TDRD10: variants seen among roughly 807,000 people sequenced by gnomAD.
The protein encoded by TDRD10 is tudor domain-containing protein 10.
In TDRD10, 40 loss-of-function variants were observed where a neutral mutation model predicts 48.0. The ratio of observed to expected loss-of-function variants is 0.83; its 90% CI spans 0.65 to 1.09. The LOEUF (loss-of-function observed/expected upper bound fraction) is 1.09. Among genes scored for constraint, TDRD10 ranks in the 50% least tolerant of loss-of-function variants. The pLI is 0.00. For missense variants in TDRD10, 378 were observed against 434.7 expected (o/e 0.87, Z 1.16); for synonymous variants, 162 against 170.4 (o/e 0.95, Z 0.38).
chr1:154,544,545 A>G (rs1417317623), intron 10 of TDRD10, 28 bp downstream of exon 10: 17 of 1,604,512 alleles, frequency 1.1e-5, no homozygotes, highest in African/African-American at 4.0e-5. Context: ...GGTAGAGTCT[A>G]TGGGAGAGGC....
chr1:154,506,869 T>C lies in TDRD10; in HGVS notation c.-27-8T>C, dbSNP rs2149310149. 2 of 1,613,658 alleles carry C rather than the reference T, an allele frequency of 1.2e-6. No individual in the cohort carries two copies. Among genetic ancestry groups the C allele is most frequent in the Non-Finnish European group, 1.7e-6 (2 of 1,179,582 alleles). ...CATTCCTCTAACTGTGGCCGGTTGG[T>C]TTTGTAGGAGATCCTGTTGGAAAGC... On this transcript the variant is annotated splice_region_variant and splice_polypyrimidine_tract_variant and intron_variant, in intron 1 of 12. Transcript: ENST00000368482.
intron 6 of TDRD10, among the ~76,000 whole-genome samples, chr1:154,536,459 C>T (rs1209413793): frequency 6.6e-6 from 1 of 152,168 alleles, no homozygotes; most frequent in Non-Finnish European, 1.5e-5. Context: ...ACACTGGAGG[C>T]TTTGAGCAGG....
chr1:154,511,058 A>T (rs1186241062), intron 4 of TDRD10, among the ~76,000 whole-genome samples: 1 of 151,738 alleles, frequency 6.6e-6, no homozygotes, highest in African/African-American at 2.4e-5. Flanking sequence ...AAAAAAAAAA[A>T]TTTAAAATAT....
chr1:154,532,036 T>A (rs976603153), intron 6 of TDRD10, among the ~76,000 whole-genome samples: 1 of 152,216 alleles, frequency 6.6e-6, no homozygotes, highest in Non-Finnish European at 1.5e-5. Context: ...ACCCAGTGGA[T>A]CTCGCACCGG....
chr1:154,525,321 G>A (rs1694253021), intron 6 of TDRD10, among the ~76,000 whole-genome samples: 1 of 152,092 alleles, frequency 6.6e-6, no homozygotes, highest in Non-Finnish European at 1.5e-5. Context: ...TTAGAAATAA[G>A]TACACAAAAG....
At chr1:154,509,564 C>A (rs1302891328) in intron 4 of TDRD10, among the ~76,000 whole-genome samples, 1 of 152,078 alleles carries the variant, frequency 6.6e-6, no homozygotes, top group Non-Finnish European at 1.5e-5. Context: ...CTCCCAAGTC[C>A]CATGTTCTTT....
intron 4 of TDRD10, 87 bp downstream of exon 4, chr1:154,508,568 T>C: frequency 2.2e-6 from 2 of 903,222 alleles, no homozygotes; most frequent in Non-Finnish European, 3.7e-6. Context: ...TTCCCCAGTT[T>C]TTAAAGACGT....
chr1:154,517,711 C>T (rs150321253), intron 4 of TDRD10, among the ~76,000 whole-genome samples: 1,574 of 152,270 alleles, frequency 0.01, 24 homozygotes, highest in African/African-American at 0.036. Flanking sequence ...CATGAGCCAC[C>T]GCGCCCGGCT....
At chr1:154,536,496 T>A (rs1694925777) in intron 6 of TDRD10, among the ~76,000 whole-genome samples, 1 of 152,200 alleles carries the variant, frequency 6.6e-6, no homozygotes, top group Non-Finnish European at 1.5e-5. Context: ...TAGAACCCAT[T>A]CTTATATTTT....
At position 154,513,617 on chromosome 1, in the gene TDRD10, C is replaced by T. The variant is rs983379126; in HGVS notation, c.141+5136C>T. Among the ~76,000 whole-genome samples the T allele has an allele frequency of 6.6e-5, 10 of 152,066 alleles. No individual in the cohort carries two copies. In the South Asian group the frequency reaches 2.1e-3, roughly 32 times the overall value. ...TTAGCCTCACTAAAAATGAGATAAC[C>T]AGATATGAGCCCCCTAAAAAGTGAT... is the stretch of plus-strand genomic sequence containing the variant. On this transcript the variant is annotated intron_variant, in intron 4 of 12. Transcript: ENST00000368482.
chr1:154,521,437 C>T lies in TDRD10; in HGVS notation c.327C>T (p.Pro109=). ...KLFVNTSKRP[P]KRTPDMIQQP... ...TCGTGAATACAAGCAAAAGGCCCCC[C>T]AAGAGGACCCCTGATATGATCCAGC... The change falls in exon 6 of 13, where the codon CCC becomes CCT. Residue 109 remains proline (P), a synonymous_variant. Transcript: ENST00000368482. The T allele has an allele frequency of 6.2e-7, 1 of 1,614,148 alleles. No individual in the cohort carries two copies. The highest frequency in any genetic ancestry group is 8.5e-7 in the Non-Finnish European group (1 of 1,180,028).
intron 7 of TDRD10, among the ~76,000 whole-genome samples, chr1:154,542,503 C>T (rs1246941073): frequency 1.3e-5 from 2 of 152,218 alleles, no homozygotes; most frequent in Non-Finnish European, 2.9e-5. Context: ...GCTGGGATTA[C>T]AGGTGCAAGC....
intron 6 of TDRD10, among the ~76,000 whole-genome samples, chr1:154,533,606 T>A (rs1694762789): frequency 6.6e-6 from 1 of 152,022 alleles, no homozygotes; most frequent in Admixed American, 6.6e-5. Context: ...GTATATTTCA[T>A]CTTCTCAGAG....
intron 5 of TDRD10, among the ~76,000 whole-genome samples, chr1:154,520,939 A>G (rs1240299391): frequency 1.3e-5 from 2 of 152,124 alleles, no homozygotes; most frequent in Admixed American, 1.3e-4. Context: ...GGGCTTTGCT[A>G]TGTTGCCCAG....
intron 6 of TDRD10, 87 bp downstream of exon 6, chr1:154,521,566 C>A: frequency 6.9e-7 from 1 of 1,459,396 alleles, no homozygotes; most frequent in Non-Finnish European, 9.4e-7. Flanking sequence ...TTTCATCCTC[C>A]TCCAGTCCAG....
intron 6 of TDRD10, among the ~76,000 whole-genome samples, chr1:154,530,530 A>G (rs1466682490): frequency 1.3e-5 from 2 of 151,066 alleles, no homozygotes; most frequent in African/African-American, 4.9e-5. Flanking sequence ...TCAGCCTCCC[A>G]CAGTGCTGAG....
chr1:154,528,312 G>C (rs1014656874), intron 6 of TDRD10, among the ~76,000 whole-genome samples: 1 of 151,688 alleles, frequency 6.6e-6, no homozygotes, highest in Non-Finnish European at 1.5e-5. Flanking sequence ...GACAACCTCT[G>C]CCTCCTGGGT....
intron 6 of TDRD10, among the ~76,000 whole-genome samples, chr1:154,537,777 C>T (rs376925173): frequency 4.6e-4 from 70 of 152,292 alleles, no homozygotes; most frequent in African/African-American, 1.3e-3. Flanking sequence ...TCCCACTGCA[C>T]GGACTCCCCA....
At position 154,520,447 on chromosome 1, in the gene TDRD10, C is replaced by T. The variant is rs577321372; in HGVS notation, c.212+73C>T. On this transcript the variant is annotated intron_variant, in intron 5 of 12. Transcript: ENST00000368482. ...TCCCTGTCCATTTTGCTGATGCACT[C>T]ATGTTGCAGACTAGCCCAGCAACCG... The T allele has an allele frequency of 1.5e-5, 19 of 1,249,668 alleles. No homozygotes were observed. The African/African-American group carries it at 2.6e-4, about 17-fold the overall frequency. The allele number at this position is 1,249,668 out of a possible 1,614,324, so 77.4% of individuals were successfully genotyped here. A position where few individuals can be genotyped will look rare whatever the true frequency, so the allele number is the denominator to read the frequency against.
Sources: allele counts gnomAD v4.1 joint callset (sites outside exome capture counted in the v4.1 genomes callset), GRCh38; gene constraint gnomAD v4.1.1; transcripts MANE v1.5; gene names NCBI Gene and HGNC (gene_info 2026-07-23, HGNC 2026-07-21).